The following TNNI3K variants were observed in gnomAD, a reference collection of about 807,000 sequenced individuals.
The protein encoded by TNNI3K is serine/threonine-protein kinase TNNI3K.
A neutral mutation model predicts 114.5 loss-of-function variants in TNNI3K; 140 were observed. That is an observed-to-expected ratio of 1.22 (90% CI 1.07 to 1.41). TNNI3K has a LOEUF of 1.41. TNNI3K is among the 40% of genes most tolerant of loss of function. The pLI is 0.00. For synonymous variants in TNNI3K, 347 were observed against 347.5 expected (o/e 1.00, Z 0.02); for missense variants, 1,125 against 1,007.6 (o/e 1.12, Z -1.58).
intron 11 of TNNI3K, among the ~76,000 whole-genome samples, chr1:74,359,559 A>G (rs779395937): frequency 9.2e-5 from 14 of 152,060 alleles, no homozygotes; most frequent in Non-Finnish European, 1.8e-4. Flanking sequence ...AAGTTATACC[A>G]TTAATTTTAA....
chr1:74,397,442 G>A (rs6697607), intron 17 of TNNI3K, among the ~76,000 whole-genome samples: 14,362 of 152,106 alleles, frequency 0.094, 976 homozygotes, highest in African/African-American at 0.2. Flanking sequence ...ACCTTCATCA[G>A]GGCCCTGGTA....
At chr1:74,404,534 A>G (rs1480552687) in intron 17 of TNNI3K, among the ~76,000 whole-genome samples, 1 of 152,170 alleles carries the variant, frequency 6.6e-6, no homozygotes, top group African/African-American at 2.4e-5. Context: ...TCATCTGGAC[A>G]GATTGTTAAA....
chr1:74,336,978 T>C (rs921942220), intron 7 of TNNI3K, among the ~76,000 whole-genome samples: 2 of 151,650 alleles, frequency 1.3e-5, no homozygotes, highest in African/African-American at 4.9e-5. Context: ...AGTGTAAAAG[T>C]GTTCCTATTT....
intron 5 of TNNI3K, among the ~76,000 whole-genome samples, chr1:74,308,958 A>G (rs1450176336): frequency 1.3e-5 from 2 of 152,200 alleles, no homozygotes; most frequent in Non-Finnish European, 2.9e-5. Flanking sequence ...CCAGGAAGAA[A>G]TTGAAACCTC....
chr1:74,304,606 C>T (rs530787217), intron 5 of TNNI3K, among the ~76,000 whole-genome samples: 59 of 152,032 alleles, frequency 3.9e-4, no homozygotes, highest in African/African-American at 1.4e-3. Context: ...CCATGCCTGT[C>T]TAATTTTTAT....
chr1:74,339,367 C>CA (rs1660640481), intron 7 of TNNI3K, among the ~76,000 whole-genome samples: 1 of 151,988 alleles, frequency 6.6e-6, no homozygotes, highest in Admixed American at 6.6e-5. Context: ...CAACCAATTG[C>CA]AAAAAATAAA....
At chr1:74,475,635 C>T in intron 21 of TNNI3K, 1 of 717,150 alleles carries the variant, frequency 1.4e-6, no homozygotes, top group Non-Finnish European at 2.6e-6. Context: ...TCTCGTTTTC[C>T]TGAGTTAAGT....
intron 17 of TNNI3K, among the ~76,000 whole-genome samples, chr1:74,390,805 A>G (rs556445016): frequency 3.3e-5 from 5 of 152,292 alleles, no homozygotes; most frequent in African/African-American, 1.2e-4. Flanking sequence ...ATTGTTGGTT[A>G]TGAAAGCCTT....
intron 17 of TNNI3K, among the ~76,000 whole-genome samples, chr1:74,420,349 A>G (rs1485259899): frequency 6.6e-6 from 1 of 152,144 alleles, no homozygotes; most frequent in African/African-American, 2.4e-5. Flanking sequence ...AAAAGGAAGA[A>G]AAGAACAATG....
rs4382662 is a variant in TNNI3K, at chr1:74,351,034, C to A, written c.933-2232C>A. The stretch of plus-strand genomic sequence containing the variant: ...ATGATGTTAGCTGGTTATTTTGCTC[C>A]TTAGTTGATGCAGTTTCTTCCTAGC... On this transcript the variant is annotated intron_variant, in intron 9 of 24. Coordinates refer to ENST00000326637, the MANE Select transcript of TNNI3K (RefSeq NM_015978.3). 8.6e-5 allele frequency among the ~76,000 whole-genome samples: 13 copies of A among 151,180 alleles called. No homozygotes were observed. In the East Asian group the frequency reaches 2.0e-3, roughly 23 times the overall value.
chr1:74,376,350 A>G (rs1207296183), intron 17 of TNNI3K, among the ~76,000 whole-genome samples: 1 of 152,016 alleles, frequency 6.6e-6, no homozygotes, highest in Admixed American at 6.6e-5. Context: ...TCCATGTATT[A>G]TAGAGTCCCT....
Position 74,250,748 on chromosome 1 carries a change from C to A in TNNI3K, c.312C>A (p.Ala104=), listed in dbSNP as rs1654879777. The stretch of plus-strand genomic sequence containing the variant: ...GACTGACAAGAAATGGATTTACAGC[C>A]TTGCATTTAGCAGTTTACAAGGTAG... ...PSRLTRNGFT[A]LHLAVYKDNA... The change falls in exon 4 of 25, where the codon GCC becomes GCA. Residue 104 remains alanine (A), a synonymous_variant. Coordinates refer to ENST00000326637, the MANE Select transcript of TNNI3K (RefSeq NM_015978.3). The A allele has an allele frequency of 6.2e-7, 1 of 1,612,112 alleles. No individual in the cohort carries two copies. Among genetic ancestry groups the A allele is most frequent in the African/African-American group, 1.3e-5 (1 of 74,764 alleles).
rs139459339 is a variant in TNNI3K at position 74,336,058 on chromosome 1, T to C, written c.591T>C (p.Gly197=). The stretch of plus-strand genomic sequence containing the variant: ...TTGGTGCTGATGTAAATGTAAGTGG[T>C]GAAGTTGGAGATAGACCCCTCCACC... ...LKFGADVNVS[G]EVGDRPLHLA... Residue 197 remains glycine (G), a synonymous_variant, in exon 7 of 25, where the codon GGT becomes GGC. Coordinates refer to ENST00000326637, the MANE Select transcript of TNNI3K (RefSeq NM_015978.3). 197 of 1,598,742 alleles carry C rather than the reference T, an allele frequency of 1.2e-4. 1 individual carries two copies. Among genetic ancestry groups the C allele is most frequent in the Middle Eastern group, 3.3e-4 (2 of 6,014 alleles).
intron 23 of TNNI3K, among the ~76,000 whole-genome samples, chr1:74,526,283 A>G (rs1004586436): frequency 2.0e-5 from 3 of 152,100 alleles, no homozygotes; most frequent in African/African-American, 7.3e-5. Flanking sequence ...ACTTTCCTCA[A>G]TCCAAAAGGG....
intron 23 of TNNI3K, among the ~76,000 whole-genome samples, chr1:74,511,584 A>T (rs1382668539): frequency 6.6e-6 from 1 of 152,140 alleles, no homozygotes; most frequent in Non-Finnish European, 1.5e-5. Context: ...TTTATTAAGC[A>T]GCTCTTATAT....
chr1:74,267,514 T>C (rs931096636), intron 4 of TNNI3K, among the ~76,000 whole-genome samples: 1 of 151,980 alleles, frequency 6.6e-6, no homozygotes, highest in Non-Finnish European at 1.5e-5. Context: ...TCTTTGAGCC[T>C]GAGTGACATC....
At chr1:74,303,361 C>T (rs932431771) in intron 5 of TNNI3K, among the ~76,000 whole-genome samples, 6 of 152,000 alleles carry the variant, frequency 3.9e-5, no homozygotes, top group African/African-American at 7.2e-5. Flanking sequence ...GACAGGGTTT[C>T]GCTATGTTGG....
rs114683373 is a variant in TNNI3K, at chr1:74,344,811, C to T, written c.932+1632C>T. ...TATTTCGTGTAAGCCTGTGGCTACT[C>T]AGAGTAACAGATTAATGTTTTTGTT... On this transcript the variant is annotated intron_variant, in intron 9 of 24. Transcript: ENST00000326637. 2.6e-3 allele frequency among the ~76,000 whole-genome samples: 403 copies of T among 152,178 alleles called. 2 individuals are homozygous for T. The highest frequency in any genetic ancestry group is 9.4e-3 in the African/African-American group (392 of 41,534).
chr1:74,476,478 A>G (rs1026890543), intron 21 of TNNI3K, among the ~76,000 whole-genome samples: 1 of 152,142 alleles, frequency 6.6e-6, no homozygotes, highest in African/African-American at 2.4e-5. Context: ...CTCTGCTACA[A>G]CTGAGCACTG....
Sources: gnomAD v4.1 joint callset for allele counts (sites outside exome capture counted in the v4.1 genomes callset) on GRCh38, gnomAD v4.1.1 for gene constraint, MANE v1.5 for transcripts, NCBI Gene and HGNC (gene_info 2026-07-23, HGNC 2026-07-21) for gene names.